Variants in EHBP1 observed in about 807,000 individuals in gnomAD.
EHBP1 encodes EH domain-binding protein 1.
EHBP1 carries 55 observed loss-of-function variants against 144.0 expected under a neutral mutation model. The ratio of observed to expected loss-of-function variants is 0.38; its 90% CI spans 0.31 to 0.48. The LOEUF (loss-of-function observed/expected upper bound fraction) is 0.48, where lower values mean the gene tolerates loss of function less well. Ranked by LOEUF, EHBP1 falls within the 20% of genes least tolerant of loss-of-function variation. The pLI is 0.98. For missense variants in EHBP1, 1,200 were observed against 1,364.2 expected, an observed-to-expected ratio of 0.88 and a Z score of 1.90; for synonymous variants, 469 against 472.7, an observed-to-expected ratio of 0.99 and a Z score of 0.10.
intron 16 of EHBP1, 59 bp downstream of exon 16, chr2:62,990,899 G>A (rs1420963486): frequency 8.6e-6 from 13 of 1,517,368 alleles, no homozygotes; most frequent in African/African-American, 1.4e-5. Context: ...GTTTCTGCCA[G>A]GAGTTTGTAA....
intron 10 of EHBP1, among the ~76,000 whole-genome samples, chr2:62,931,931 C>T (rs1421381083): frequency 1.3e-5 from 2 of 152,224 alleles, no homozygotes; most frequent in East Asian, 3.9e-4. Context: ...GTAATCCTAG[C>T]ACTTTGGGAG....
intron 10 of EHBP1, among the ~76,000 whole-genome samples, chr2:62,914,025 G>A (rs1193004468): frequency 3.9e-5 from 6 of 152,070 alleles, no homozygotes; most frequent in African/African-American, 7.2e-5. Context: ...GGTAATTTGG[G>A]TCATATGACA....
chr2:62,998,715 T>C (rs751045341), intron 19 of EHBP1, among the ~76,000 whole-genome samples: 4 of 152,164 alleles, frequency 2.6e-5, no homozygotes, highest in Non-Finnish European at 4.4e-5. Context: ...TGAAAGACAG[T>C]CATAGAATAC....
At chr2:63,007,762 A>G (rs1329933474) in intron 19 of EHBP1, among the ~76,000 whole-genome samples, 1 of 151,832 alleles carries the variant, frequency 6.6e-6, no homozygotes, top group African/African-American at 2.4e-5. Context: ...ATTCTTGAAA[A>G]TTATTTTTTC....
At chr2:62,785,830 G>A (rs1194704402) in intron 5 of EHBP1, among the ~76,000 whole-genome samples, 1 of 151,840 alleles carries the variant, frequency 6.6e-6, no homozygotes, top group African/African-American at 2.4e-5. Flanking sequence ...TACCATTCCA[G>A]TCTTTTCCAG....
chr2:62,806,533 A>G (rs773354537), intron 5 of EHBP1, among the ~76,000 whole-genome samples: 2 of 151,060 alleles, frequency 1.3e-5, no homozygotes, highest in Admixed American at 6.6e-5. Context: ...ACCACACCCC[A>G]CTAATTTTTT....
intron 10 of EHBP1, among the ~76,000 whole-genome samples, chr2:62,933,191 A>G (rs1374394939): frequency 2.0e-5 from 3 of 151,860 alleles, no homozygotes; most frequent in Non-Finnish European, 4.4e-5. Context: ...TTTCATGAAA[A>G]ATGACTATAT....
chr2:62,866,687 CAGATTAAA>C (rs2050068618), intron 9 of EHBP1, among the ~76,000 whole-genome samples: 1 of 151,920 alleles, frequency 6.6e-6, no homozygotes, highest in Non-Finnish European at 1.5e-5. Flanking sequence ...AGAATCCATC[CAGATTAAA>C]AGAGAGAAAG....
At chr2:63,010,480 A>G (rs1381654385) in intron 19 of EHBP1, among the ~76,000 whole-genome samples, 2 of 151,746 alleles carry the variant, frequency 1.3e-5, no homozygotes, top group East Asian at 3.8e-4. Context: ...TCACAGCTAA[A>G]TGAATCCCTA....
chr2:62,993,050 C>G (rs2059476449), intron 16 of EHBP1, among the ~76,000 whole-genome samples: 1 of 152,088 alleles, frequency 6.6e-6, no homozygotes. Context: ...ATTGTAGTTT[C>G]CTTAGCTGTA....
chr2:62,707,189 A>G lies in EHBP1; in HGVS notation c.-3A>G, dbSNP rs775758047. On this transcript the variant is annotated 5_prime_UTR_variant, in exon 2 of 23. Transcript: ENST00000431489. ...AACTGCTCCAGTGTCTTGACTGATC[A>G]TCATGGCTTCAGTTTGGAAGAGACT... The G allele has an allele frequency of 3.1e-6, 5 of 1,613,728 alleles. No homozygotes were observed. The highest frequency in any genetic ancestry group is 4.2e-6 in the Non-Finnish European group (5 of 1,179,698).
chr2:62,874,573 T>C, intron 10 of EHBP1, 41 bp downstream of exon 10: 1 of 1,484,984 alleles, frequency 6.7e-7, no homozygotes, highest in South Asian at 1.3e-5. Flanking sequence ...TAATATTTGC[T>C]GTTTTCTCCC....
rs199978048 is a variant in EHBP1 at position 62,740,928 on chromosome 2, G to GT, written c.105-6459dup. 8.6e-3 allele frequency among the ~76,000 whole-genome samples: 1,300 copies of GT among 152,000 alleles called. 10 individuals are homozygous for GT. Among genetic ancestry groups the GT allele is most frequent in the Middle Eastern group, 0.014 (4 of 294 alleles). On this transcript the variant is annotated intron_variant, in intron 2 of 22. Coordinates refer to ENST00000431489, the MANE Select transcript of EHBP1 (RefSeq NM_001142616.3). Reference sequence around the variant, plus strand: ...AAGACAGCAACTATTATTGTTATGTGTTTTTTTTAATTTACTGAGTTTTCT... The same window carrying GT: ...AAGACAGCAACTATTATTGTTATGTGTTTTTTTTTAATTTACTGAGTTTTCT...
In EHBP1 at chr2:62,710,176, A is replaced by G. The variant is rs573620481; in HGVS notation, c.104+2881A>G. Among the ~76,000 whole-genome samples the G allele has an allele frequency of 3.3e-5, 5 of 152,266 alleles. No individual in the cohort carries two copies. The East Asian group carries it at 5.8e-4, about 18-fold the overall frequency. ...TAGATTTCTGAGAGAAATCTTTACT[A>G]TATGAGTTCTCAAAGGCTTTACAGG... On this transcript the variant is annotated intron_variant, in intron 2 of 22. Coordinates refer to ENST00000431489, the MANE Select transcript of EHBP1 (RefSeq NM_001142616.3).
chr2:62,977,938 T>C (rs1265241690), intron 14 of EHBP1, among the ~76,000 whole-genome samples: 12 of 152,008 alleles, frequency 7.9e-5, no homozygotes, highest in Admixed American at 7.9e-4. Context: ...TTAAATAAGG[T>C]GAGAGAAGCT....
At chr2:63,001,696 G>T (rs568592725) in intron 19 of EHBP1, among the ~76,000 whole-genome samples, 1 of 152,176 alleles carries the variant, frequency 6.6e-6, no homozygotes, top group East Asian at 1.9e-4. Flanking sequence ...GGAAACTGAG[G>T]CCTAGAGACA....
chr2:62,945,978 A>G (rs568035651), intron 12 of EHBP1, among the ~76,000 whole-genome samples: 4 of 137,270 alleles, frequency 2.9e-5, no homozygotes, highest in African/African-American at 8.4e-5. Context: ...GCCTGTGTCT[A>G]TTAAAGTGAA....
intron 10 of EHBP1, among the ~76,000 whole-genome samples, chr2:62,894,255 T>C (rs2052696791): frequency 6.6e-6 from 1 of 152,174 alleles, no homozygotes; most frequent in African/African-American, 2.4e-5. Flanking sequence ...AAACAAAAAG[T>C]ATGGTACATT....
At chr2:62,718,405 A>T (rs564667932) in intron 2 of EHBP1, among the ~76,000 whole-genome samples, 1 of 152,354 alleles carries the variant, frequency 6.6e-6, no homozygotes, top group South Asian at 2.1e-4. Flanking sequence ...CACTAGCCAC[A>T]TGTGGCTAGC....
Sources: gnomAD v4.1 joint callset for allele counts (sites outside exome capture counted in the v4.1 genomes callset) on GRCh38, gnomAD v4.1.1 for gene constraint, MANE v1.5 for transcripts, NCBI Gene and HGNC (gene_info 2026-07-23, HGNC 2026-07-21) for gene names.